The following ASPSCR1 variants were observed in gnomAD, a reference collection of about 807,000 sequenced individuals.
ASPSCR1 encodes the protein ASPSCR1 tether for SLC2A4, UBX domain containing, also known as tether containing UBX domain for GLUT4.
In ASPSCR1, 55 loss-of-function variants were observed where a neutral mutation model predicts 68.9. That is an observed-to-expected ratio of 0.80 (90% confidence interval 0.64 to 1.00). The LOEUF is 1.00. Ranked by LOEUF, ASPSCR1 falls within the 50% of genes least tolerant of loss-of-function variation. The pLI is 0.00. For missense variants in ASPSCR1, 765 were observed against 762.2 expected, an observed-to-expected ratio of 1.00 and a Z score of -0.04; for synonymous variants, 352 against 332.6, an observed-to-expected ratio of 1.06 and a Z score of -0.63.
rs2042017202 is a variant in ASPSCR1 at position 81,987,077 on chromosome 17, G to C, written c.374+1470G>C. ...GCGGGACCCGAGGCAGGAGATGACG[G>C]AGCCTAAGAGCAAAGCGAAGCCACG... On this transcript the variant is annotated intron_variant, in intron 4 of 15. Coordinates refer to ENST00000306739, the MANE Select transcript of ASPSCR1 (RefSeq NM_024083.4). The surrounding 1 kb of genome is among the most constrained non-coding windows in gnomAD (Gnocchi z 5.6). 6.7e-6 allele frequency among the ~76,000 whole-genome samples: 1 copy of C among 148,400 alleles called. No homozygotes were observed. Among genetic ancestry groups the C allele is most frequent in the Non-Finnish European group, 1.5e-5 (1 of 67,412 alleles).
intron 12 of ASPSCR1, chr17:82,014,998 G>A (rs2043072442): frequency 6.9e-7 from 1 of 1,451,614 alleles, no homozygotes. Flanking sequence ...AGGCCCCTCA[G>A]CCTGTGCCTC....
rs372038468 is a variant in ASPSCR1 at position 82,016,462 on chromosome 17, C to A, written c.1354-14C>A. On this transcript the variant is annotated splice_polypyrimidine_tract_variant and intron_variant, in intron 12 of 15. Coordinates refer to ENST00000306739, the MANE Select transcript of ASPSCR1 (RefSeq NM_024083.4). Reference sequence around the variant, plus strand: ...GCCCACACCCGGCCCCTGAGCCCCCCGCCCTCCCTGCAGGCGAACCTCTTC... The same window carrying A: ...GCCCACACCCGGCCCCTGAGCCCCCAGCCCTCCCTGCAGGCGAACCTCTTC... 2.6e-6 allele frequency: 4 copies of A among 1,546,992 alleles called. No individual in the cohort carries two copies. Among genetic ancestry groups the A allele is most frequent in the South Asian group, 1.2e-5 (1 of 83,928 alleles).
At position 82,009,443 on chromosome 17, in the gene ASPSCR1, C is replaced by G. The variant is rs777556431; in HGVS notation, c.1089-43C>G. 13 of 1,533,498 alleles carry G rather than the reference C, an allele frequency of 8.5e-6. No homozygotes were observed. The Admixed American group carries it at 2.6e-4, about 31-fold the overall frequency. 95.0% of individuals were successfully genotyped at this position (1,533,498 alleles called of 1,614,324 possible). Reference sequence around the variant, plus strand: ...AGCCCGGGGCCTGTTGCCAGGGCCCCCATTCTGACCAGAAGCCCTGTTCCT... The same window carrying G: ...AGCCCGGGGCCTGTTGCCAGGGCCCGCATTCTGACCAGAAGCCCTGTTCCT... On this transcript the variant is annotated intron_variant, in intron 8 of 15. Transcript: ENST00000306739.
At chr17:82,008,750 G>A in intron 7 of ASPSCR1, 1 of 362,850 alleles carries the variant, frequency 2.8e-6, no homozygotes, top group Non-Finnish European at 4.9e-6. Context: ...AGACTCCAGG[G>A]GCCATGTGCC....
rs1372971574 is a variant in ASPSCR1 at position 81,983,098 on chromosome 17, G to T, written c.159-456G>T. Among the ~76,000 whole-genome samples the T allele has an allele frequency of 6.6e-6, 1 of 152,248 alleles. No homozygotes were observed. Among genetic ancestry groups the T allele is most frequent in the Non-Finnish European group, 1.5e-5 (1 of 68,050 alleles). ...AACCTCAGGTGATCCGCCTGCCTCGGCCTCCGAAAGTGCTGGGATTACAGG... is the reference window on the plus strand; with the variant it reads ...AACCTCAGGTGATCCGCCTGCCTCGTCCTCCGAAAGTGCTGGGATTACAGG... On this transcript the variant is annotated intron_variant, in intron 2 of 15. Coordinates refer to ENST00000306739, the MANE Select transcript of ASPSCR1 (RefSeq NM_024083.4). The surrounding 1 kb of genome is among the most constrained non-coding windows in gnomAD (Gnocchi z 4.4).
chr17:82,016,539 T>C lies in ASPSCR1; in HGVS notation c.1405+12T>C. The C allele has an allele frequency of 6.5e-7, 1 of 1,549,176 alleles. No homozygotes were observed. Among genetic ancestry groups the C allele is most frequent in the Non-Finnish European group, 8.7e-7 (1 of 1,146,908 alleles). On this transcript the variant is annotated intron_variant, in intron 13 of 15. Transcript: ENST00000306739. ...CGAGGAGCCGGCAGGTGAGTGTCAG[T>C]GGTTGGGGCCAGTGTCGGAGTCCAG...
At position 81,977,846 on chromosome 17, in the gene ASPSCR1, G is replaced by A. The variant is rs2041654621; in HGVS notation, c.102+98G>A. ...CGGCGTCCCGGTGTTCGGGGGCGGGGCCTCGGCGGCCAATGAGCGGCCTCC... is the reference window on the plus strand; with the variant it reads ...CGGCGTCCCGGTGTTCGGGGGCGGGACCTCGGCGGCCAATGAGCGGCCTCC... On this transcript the variant is annotated intron_variant, in intron 1 of 15. Transcript: ENST00000306739. The surrounding 1 kb of genome is among the most constrained non-coding windows in gnomAD (Gnocchi z 5.0). The A allele has an allele frequency of 2.1e-6, 2 of 946,842 alleles. No homozygotes were observed. Among genetic ancestry groups the A allele is most frequent in the Admixed American group, 4.6e-5 (1 of 21,770 alleles). The allele number at this position is 946,842 out of a possible 1,614,324, so 58.7% of individuals were successfully genotyped here.
chr17:82,010,773 C>T (rs1254197920), intron 9 of ASPSCR1, 29 bp from the exon 10 acceptor site: 2 of 1,608,380 alleles, frequency 1.2e-6, no homozygotes, highest in South Asian at 2.2e-5. Flanking sequence ...TCCGGCCGTC[C>T]CTCCAACCCT....
rs1228358651 is a variant in ASPSCR1 at position 82,009,022 on chromosome 17, G to A, written c.934-15G>A. ...GCCCGTGACACCCGCCGTCAGCCGC[G>A]CCCTCTGCCTCCAGCCCGTGGACCG... is the stretch of plus-strand genomic sequence containing the variant. On this transcript the variant is annotated splice_polypyrimidine_tract_variant and intron_variant, in intron 7 of 15. Coordinates refer to ENST00000306739, the MANE Select transcript of ASPSCR1 (RefSeq NM_024083.4). 11 of 1,503,552 alleles carry A rather than the reference G, an allele frequency of 7.3e-6. No homozygotes were observed. The highest frequency in any genetic ancestry group is 2.5e-5 in the East Asian group (1 of 39,548). The allele number at this position is 1,503,552 out of a possible 1,614,324, so 93.1% of individuals were successfully genotyped here. A position where few individuals can be genotyped will look rare whatever the true frequency, so the allele number is the denominator to read the frequency against.
rs1198179532 is a variant in ASPSCR1 at position 82,017,090 on chromosome 17, T to C, written c.1625T>C (p.Val542Ala). Reference protein sequence around the residue: ...AQPVKRSLGKVPKWLKLPASK... With the variant: ...AQPVKRSLGKAPKWLKLPASK... ...CCCGTGAAGAGGAGCCTGGGCAAGG[T>C]GCCCAAGTGGCTGAAGCTGCCGGGT... The change falls in exon 15 of 16, where the codon GTG (valine) becomes GCG (alanine). Residue 542 changes from valine to alanine, a missense_variant. Val to Ala is a moderately conservative substitution (Grantham distance 64, BLOSUM62 0). Coordinates refer to ENST00000306739, the MANE Select transcript of ASPSCR1 (RefSeq NM_024083.4). 6.2e-7 allele frequency: 1 copy of C among 1,602,266 alleles called. No homozygotes were observed. Among genetic ancestry groups the C allele is most frequent in the Non-Finnish European group, 8.5e-7 (1 of 1,175,680 alleles).
chr17:82,015,304 G>T, intron 12 of ASPSCR1: 3 of 1,598,188 alleles, frequency 1.9e-6, no homozygotes, highest in South Asian at 2.2e-5. Flanking sequence ...CGTCCGAGCA[G>T]TGGCGATCCC....
intron 7 of ASPSCR1, chr17:82,005,056 T>A (rs2042666602): frequency 2.0e-5 from 3 of 152,322 alleles, no homozygotes; most frequent in Admixed American, 1.3e-4. Flanking sequence ...CAGCTGCCAT[T>A]TGGATGCCCC....
At chr17:82,016,301 T>C (rs2043123427) in intron 12 of ASPSCR1, 175 bp from the exon 13 acceptor site, 1 of 624,468 alleles carries the variant, frequency 1.6e-6, no homozygotes, top group Non-Finnish European at 2.8e-6. Context: ...CTGGCCTTGC[T>C]TACAGGGGTA....
intron 7 of ASPSCR1, among the ~76,000 whole-genome samples, chr17:81,997,920 G>C (rs190009067): frequency 5.7e-4 from 82 of 143,430 alleles, no homozygotes; most frequent in Non-Finnish European, 1.1e-3. Context: ...TCCACCTCCC[G>C]GGTTCAAGCG....
rs1447529708 is a variant in ASPSCR1 at position 81,987,442 on chromosome 17, C to T, written c.374+1835C>T. Among the ~76,000 whole-genome samples the T allele has an allele frequency of 1.3e-5, 2 of 152,220 alleles. No homozygotes were observed. The highest frequency in any genetic ancestry group is 1.9e-4 in the East Asian group (1 of 5,192). On this transcript the variant is annotated intron_variant, in intron 4 of 15. Coordinates refer to ENST00000306739, the MANE Select transcript of ASPSCR1 (RefSeq NM_024083.4). The surrounding 1 kb of genome is among the most constrained non-coding windows in gnomAD (Gnocchi z 5.6). ...ACGTCTGGAAGGAAATGCCCCTGGG[C>T]CGGGCGGTGCCCCCGGGCGTGAACA...
At chr17:82,008,020 G>A (rs1480476887) in intron 7 of ASPSCR1, 5 of 152,314 alleles carry the variant, frequency 3.3e-5, no homozygotes, top group African/African-American at 1.2e-4. Context: ...CCAGACTCCC[G>A]TGACAAGTCA....
intron 4 of ASPSCR1, among the ~76,000 whole-genome samples, chr17:81,993,677 C>CTGGA (rs1313247046): frequency 6.6e-6 from 1 of 152,258 alleles, no homozygotes; most frequent in African/African-American, 2.4e-5. Flanking sequence ...ATGTCTCGAC[C>CTGGA]TGGACACTGC....
chr17:82,009,915 CTTTTT>C, intron 9 of ASPSCR1: 2 of 199,990 alleles, frequency 1.0e-5, no homozygotes, highest in South Asian at 4.9e-5. Context: ...AGAATGAAAC[CTTTTT>C]TTTTTTTTGA....
Position 82,016,802 on chromosome 17 carries a change from G to A in ASPSCR1, c.1408G>A (p.Val470Ile). The change falls in exon 14 of 16, where the codon GTC becomes ATC. Residue 470 changes from valine to isoleucine, a missense_variant and splice_region_variant. Val to Ile is a conservative substitution (Grantham distance 29, BLOSUM62 3). Transcript: ENST00000306739. Reference sequence around the variant, plus strand: ...GGTGAGCTTGGGCCTCCCTGCAGGTGTCTACCTGGAGCCTGGCCTGCTGGA... The same window carrying A: ...GGTGAGCTTGGGCCTCCCTGCAGGTATCTACCTGGAGCCTGGCCTGCTGGA... ...VHLGAEEPAG[V>I]YLEPGLLEHA... 6.2e-7 allele frequency: 1 copy of A among 1,609,612 alleles called. No individual in the cohort carries two copies. Among genetic ancestry groups the A allele is most frequent in the East Asian group, 2.2e-5 (1 of 44,870 alleles).
Sources: allele counts gnomAD v4.1 joint callset (sites outside exome capture counted in the v4.1 genomes callset), GRCh38; gene constraint gnomAD v4.1.1; non-coding constraint Gnocchi (gnomAD v3.1); transcripts MANE v1.5; gene names NCBI Gene and HGNC (gene_info 2026-07-23, HGNC 2026-07-21).